NPAS3: variants seen among roughly 807,000 people sequenced by gnomAD.
NPAS3 encodes neuronal PAS domain-containing protein 3.
In NPAS3, 14 loss-of-function variants were observed where a neutral mutation model predicts 73.1. The ratio of observed to expected loss-of-function variants is 0.19; its 90% confidence interval spans 0.13 to 0.30. NPAS3 has a LOEUF of 0.30. Among genes scored for constraint, NPAS3 ranks in the 10% least tolerant of loss-of-function variants. NPAS3 has a pLI of 1.00. For synonymous variants in NPAS3, 620 were observed against 541.5 expected (o/e 1.14, Z -2.01); for missense variants, 1,096 against 1,250.0 (o/e 0.88, Z 1.86).
chr14:33,520,331 G>A (rs1361089661), intron 4 of NPAS3, among the ~76,000 whole-genome samples: 1 of 152,020 alleles, frequency 6.6e-6, no homozygotes, highest in African/African-American at 2.4e-5. Context: ...ACGAAATAGG[G>A]TCTATTAATC....
At chr14:33,321,255 T>A (rs936620501) in intron 3 of NPAS3, among the ~76,000 whole-genome samples, 12 of 152,124 alleles carry the variant, frequency 7.9e-5, no homozygotes, top group Admixed American at 4.6e-4. Flanking sequence ...GGCAAGATTG[T>A]ACAGATTTGT....
At chr14:33,024,499 G>A (rs2039730844) in intron 1 of NPAS3, among the ~76,000 whole-genome samples, 1 of 152,036 alleles carries the variant, frequency 6.6e-6, no homozygotes, top group Non-Finnish European at 1.5e-5. Flanking sequence ...ATCATCACAT[G>A]TCTCCATGTC....
At chr14:33,362,785 G>T (rs186088926) in intron 3 of NPAS3, among the ~76,000 whole-genome samples, 50 of 152,184 alleles carry the variant, frequency 3.3e-4, no homozygotes, top group Admixed American at 5.2e-4. Context: ...TCCACCTTAT[G>T]GGGGAGGATA....
chr14:33,279,398 C>A (rs999992815), intron 3 of NPAS3, among the ~76,000 whole-genome samples: 2 of 152,116 alleles, frequency 1.3e-5, no homozygotes, highest in African/African-American at 4.8e-5. Flanking sequence ...ACTTTAGGTA[C>A]ATGGACACGG....
At chr14:33,298,212 G>C (rs1462753508) in intron 3 of NPAS3, among the ~76,000 whole-genome samples, 2 of 152,140 alleles carry the variant, frequency 1.3e-5, no homozygotes, top group Non-Finnish European at 2.9e-5. Context: ...GAACCGAGGA[G>C]GTGGAGGTTG....
intron 5 of NPAS3, among the ~76,000 whole-genome samples, chr14:33,664,511 G>A (rs571326932): frequency 6.6e-6 from 1 of 152,144 alleles, no homozygotes; most frequent in Non-Finnish European, 1.5e-5. Context: ...GAGCCAAAAT[G>A]GACAAATGGG....
chr14:33,544,543 C>T (rs984132354), intron 4 of NPAS3, among the ~76,000 whole-genome samples: 3 of 151,562 alleles, frequency 2.0e-5, no homozygotes, highest in African/African-American at 4.9e-5. Flanking sequence ...TCCCACCATG[C>T]ACACACATCA....
exon 12 of NPAS3, chr14:33,801,030 G>C (rs1423989379): frequency 1.3e-6 from 2 of 1,591,594 alleles, no homozygotes; most frequent in Non-Finnish European, 1.7e-6. Flanking sequence ...ACGGCCGAGG[G>C]ACTCTTCTCC....
At chr14:32,951,530 A>G (rs2036484343) in intron 1 of NPAS3, among the ~76,000 whole-genome samples, 1 of 152,126 alleles carries the variant, frequency 6.6e-6, no homozygotes, top group Admixed American at 6.6e-5. Context: ...TAAATTTTAA[A>G]GTGACATATG....
rs552348267 is a variant in NPAS3 at position 33,776,521 on chromosome 14, TAAAAAAAAAAAAAAAAAAAAAAAAAAAA to T, written c.1047-1932_1047-1905del. Reference sequence around the variant, plus strand: ...CTGCTTTTGGCGTTTTTCTTCCTCTTAAAAAAAAAAAAAAAAAAAAAAAAAAAAAAAAAAAAAAAAGCTTTTCACAGTC... The same window carrying T: ...CTGCTTTTGGCGTTTTTCTTCCTCTTAAAAAAAAAAAAGCTTTTCACAGTC... On this transcript the variant is annotated intron_variant, in intron 8 of 11. Transcript: ENST00000356141. Among the ~76,000 whole-genome samples, 125 of 32,066 alleles carry T rather than the reference TAAAAAAAAAAAAAAAAAAAAAAAAAAAA, an allele frequency of 3.9e-3. No homozygotes were observed. In the East Asian group the frequency reaches 0.1, roughly 27 times the overall value. The allele number at this position is 32,066 out of a possible 152,430, so 21.0% of individuals were successfully genotyped here.
At chr14:33,413,176 T>A (rs974049005) in intron 4 of NPAS3, among the ~76,000 whole-genome samples, 1 of 152,104 alleles carries the variant, frequency 6.6e-6, no homozygotes, top group African/African-American at 2.4e-5. Flanking sequence ...TTTTTAGTGC[T>A]TTTTTTCCCT....
intron 2 of NPAS3, among the ~76,000 whole-genome samples, chr14:33,183,032 C>T (rs1042571794): frequency 2.0e-5 from 3 of 152,194 alleles, no homozygotes; most frequent in Admixed American, 6.5e-5. Flanking sequence ...TCCTTGGACT[C>T]TTGTCACGCC....
At chr14:33,679,181 C>G (rs963300516) in intron 6 of NPAS3, among the ~76,000 whole-genome samples, 1 of 152,140 alleles carries the variant, frequency 6.6e-6, no homozygotes, top group Non-Finnish European at 1.5e-5. Context: ...AAGAAGAGGC[C>G]CTCTTCCTTG....
Position 33,447,925 on chromosome 14 carries a change from C to T in NPAS3, c.468+80657C>T, listed in dbSNP as rs920333421. 3.4e-4 allele frequency among the ~76,000 whole-genome samples: 52 copies of T among 151,856 alleles called. 3 individuals are homozygous for T. Among genetic ancestry groups the T allele is most frequent in the Admixed American group, 1.3e-4 (2 of 15,254 alleles). ...GTGAGACCCTATCTCTTAAAAAAAA[C>T]AAAAACAGAAGGATTAAGTGACATT... On this transcript the variant is annotated intron_variant, in intron 4 of 11. Transcript: ENST00000356141.
chr14:33,348,754 TAC>T (rs34317358), intron 3 of NPAS3, among the ~76,000 whole-genome samples: 65,339 of 151,858 alleles, frequency 0.43, 14,640 homozygotes, highest in African/African-American at 0.54. Context: ...TCTGTGCAGT[TAC>T]ACACAGAGAA....
intron 5 of NPAS3, among the ~76,000 whole-genome samples, chr14:33,611,560 G>A (rs557683062): frequency 7.0e-4 from 106 of 152,226 alleles, no homozygotes; most frequent in African/African-American, 2.4e-3. Flanking sequence ...TAATGCCCTC[G>A]GGAATGCTAA....
chr14:33,044,515 C>T lies in NPAS3; in HGVS notation c.51-11390C>T, dbSNP rs546311002. 2.0e-5 allele frequency among the ~76,000 whole-genome samples: 3 copies of T among 152,184 alleles called. No individual in the cohort carries two copies. The East Asian group carries it at 5.8e-4, about 29-fold the overall frequency. ...GCAACAATTCTTATTTATTTTCAGA[C>T]AATTTAGGGAAGTCTGTGTAGTTTC... On this transcript the variant is annotated intron_variant, in intron 1 of 11. Coordinates refer to ENST00000356141, the Ensembl canonical transcript of NPAS3.
chr14:33,428,726 G>T (rs2048657074), intron 4 of NPAS3, among the ~76,000 whole-genome samples: 1 of 152,132 alleles, frequency 6.6e-6, no homozygotes, highest in South Asian at 2.1e-4. Context: ...CATAAACTAT[G>T]CTATCTCCAT....
intron 5 of NPAS3, among the ~76,000 whole-genome samples, chr14:33,642,249 G>A (rs2058694400): frequency 6.6e-6 from 1 of 152,086 alleles, no homozygotes; most frequent in Non-Finnish European, 1.5e-5. Context: ...CAGAGCCGCT[G>A]TAATGGCACA....
Sources: gnomAD v4.1 joint callset for allele counts (sites outside exome capture counted in the v4.1 genomes callset) on GRCh38, gnomAD v4.1.1 for gene constraint, MANE v1.5 for transcripts, NCBI Gene and HGNC (gene_info 2026-07-23, HGNC 2026-07-21) for gene names.